Variants in ERBB4 observed in about 807,000 individuals in gnomAD.
ERBB4 encodes the protein receptor tyrosine-protein kinase erbB-4.
In ERBB4, 42 loss-of-function variants were observed where a neutral mutation model predicts 158.0. The ratio of observed to expected loss-of-function variants is 0.27; its 90% CI spans 0.21 to 0.34. ERBB4 has a LOEUF of 0.34. Among genes scored for constraint, ERBB4 ranks in the 10% least tolerant of loss-of-function variants. The pLI is 1.00. For synonymous variants in ERBB4, 583 were observed against 558.7 expected (o/e 1.04, Z -0.61); for missense variants, 1,333 against 1,624.1 (o/e 0.82, Z 3.08).
chr2:211,943,928 T>C (rs1215528526), intron 3 of ERBB4, among the ~76,000 whole-genome samples: 3 of 151,606 alleles, frequency 2.0e-5, no homozygotes, highest in Non-Finnish European at 2.9e-5. Context: ...AGCTAGTGTA[T>C]AATGACAGTC....
chr2:212,469,755 C>T (rs1443765137), intron 1 of ERBB4, among the ~76,000 whole-genome samples: 2 of 152,042 alleles, frequency 1.3e-5, no homozygotes, highest in Non-Finnish European at 2.9e-5. Flanking sequence ...TTTTTCAATG[C>T]CTTCCAAAAT....
At position 211,387,985 on chromosome 2, in the gene ERBB4, A is replaced by G. The variant is rs1222680082; in HGVS notation, c.3143T>C (p.Ile1048Thr). Reference protein sequence around the residue: ...RARIDSNRSEIGHSPPPAYTP... With the variant: ...RARIDSNRSETGHSPPPAYTP... ...GTAGGCAGGAGGAGGGCTGTGTCCA[A>G]TTTCACTCTAATAGGAAAGAAAAAT... The change falls in exon 26 of 28, where the codon ATT becomes ACT. Residue 1048 changes from isoleucine to threonine, a missense_variant. Ile to Thr is a moderately conservative substitution (Grantham distance 89, BLOSUM62 -1). This residue lies in a region of ERBB4 where 252 missense variants were observed against 241.3 expected (regional missense o/e 1.04). Coordinates refer to ENST00000342788, the MANE Select transcript of ERBB4 (RefSeq NM_005235.3). 5 of 1,601,916 alleles carry G rather than the reference A, an allele frequency of 3.1e-6. No homozygotes were observed. The East Asian group carries it at 6.7e-5, about 21-fold the overall frequency.
chr2:212,450,792 C>G (rs1046319539), intron 1 of ERBB4, among the ~76,000 whole-genome samples: 1 of 138,290 alleles, frequency 7.2e-6, no homozygotes, highest in African/African-American at 2.7e-5. Flanking sequence ...GACTCCATTA[C>G]AGATTTAATG....
chr2:211,831,760 A>C (rs531230717), intron 3 of ERBB4, among the ~76,000 whole-genome samples: 79 of 152,112 alleles, frequency 5.2e-4, no homozygotes, highest in African/African-American at 1.9e-3. Flanking sequence ...AAAATTAGCC[A>C]GGCGTGGCAG....
intron 4 of ERBB4, among the ~76,000 whole-genome samples, chr2:211,773,633 T>TATATAAA (rs1553630512): frequency 9.7e-6 from 1 of 102,852 alleles, no homozygotes. Flanking sequence ...TATATATATA[T>TATATAAA]ATATATATAT....
intron 2 of ERBB4, among the ~76,000 whole-genome samples, chr2:212,002,521 G>C (rs969085115): frequency 6.6e-6 from 1 of 152,042 alleles, no homozygotes; most frequent in African/African-American, 2.4e-5. Flanking sequence ...GTAAAGCATA[G>C]CAAAAATAAA....
intron 20 of ERBB4, among the ~76,000 whole-genome samples, chr2:211,519,494 T>C (rs76168336): frequency 0.098 from 14,845 of 152,064 alleles, 1,021 homozygotes; most frequent in African/African-American, 0.2. Context: ...GCTACTGCAG[T>C]GCAGATCCAG....
chr2:211,641,939 TTTTTTG>T (rs1321894771), intron 16 of ERBB4, among the ~76,000 whole-genome samples: 11 of 152,080 alleles, frequency 7.2e-5, no homozygotes, highest in South Asian at 2.1e-4. Context: ...TCTAATTTTT[TTTTTTG>T]TTTTATCACT....
At chr2:211,462,519 C>T (rs569855726) in intron 20 of ERBB4, among the ~76,000 whole-genome samples, 2 of 152,154 alleles carry the variant, frequency 1.3e-5, no homozygotes, top group Admixed American at 1.3e-4. Context: ...AATAGCAACT[C>T]GCAGAAAGAC....
intron 1 of ERBB4, among the ~76,000 whole-genome samples, chr2:212,208,640 T>C (rs192919373): frequency 3.6e-4 from 55 of 152,220 alleles, no homozygotes; most frequent in Middle Eastern, 3.4e-3. Flanking sequence ...AATAGGTGGT[T>C]AGAGGCAGTG....
chr2:212,254,995 C>G (rs529046729), intron 1 of ERBB4, among the ~76,000 whole-genome samples: 1 of 152,150 alleles, frequency 6.6e-6, no homozygotes, highest in East Asian at 1.9e-4. Context: ...CATTATTTCA[C>G]GGGTATAGTG....
rs2074809313 is a variant in ERBB4, at chr2:211,741,802, T to C, written c.622+8837A>G. Among the ~76,000 whole-genome samples the C allele has an allele frequency of 6.6e-5, 10 of 152,188 alleles. No individual in the cohort carries two copies. The South Asian group carries it at 2.1e-3, about 31-fold the overall frequency. ...ATATATACATCTCCTGTAGTTAAAATGAAACAACTTGTTCTTTTAAATCTT... is the reference window on the plus strand; with the variant it reads ...ATATATACATCTCCTGTAGTTAAAACGAAACAACTTGTTCTTTTAAATCTT... On this transcript the variant is annotated intron_variant, in intron 5 of 27. Coordinates refer to ENST00000342788, the MANE Select transcript of ERBB4 (RefSeq NM_005235.3).
At chr2:212,005,556 A>T (rs1235592401) in intron 2 of ERBB4, among the ~76,000 whole-genome samples, 1 of 152,172 alleles carries the variant, frequency 6.6e-6, no homozygotes, top group Non-Finnish European at 1.5e-5. Flanking sequence ...CAAAGTATAA[A>T]TTCGTCAGAT....
At chr2:212,340,122 A>G (rs1256787144) in intron 1 of ERBB4, among the ~76,000 whole-genome samples, 1 of 151,714 alleles carries the variant, frequency 6.6e-6, no homozygotes, top group African/African-American at 2.4e-5. Context: ...TGAATCTTCA[A>G]CCTCACAGGC....
At chr2:211,687,036 C>T (rs2072584855) in intron 12 of ERBB4, among the ~76,000 whole-genome samples, 1 of 152,042 alleles carries the variant, frequency 6.6e-6, no homozygotes, top group Non-Finnish European at 1.5e-5. Context: ...TGGCTCATGC[C>T]TGTAATCCCA....
Position 211,735,747 on chromosome 2 carries a change from C to A in ERBB4, c.623-10553G>T, listed in dbSNP as rs139540983. Among the ~76,000 whole-genome samples the A allele has an allele frequency of 1.4e-3, 213 of 152,026 alleles. 3 individuals carry two copies. In the East Asian group the frequency reaches 0.037, roughly 26 times the overall value. ...GAAGTCTATACCTCAGAAAAAGAGA[C>A]CTTTTGAGGAAACCATTTAAAAGAG... On this transcript the variant is annotated intron_variant, in intron 5 of 27. Coordinates refer to ENST00000342788, the MANE Select transcript of ERBB4 (RefSeq NM_005235.3).
intron 19 of ERBB4, among the ~76,000 whole-genome samples, chr2:211,615,780 T>G (rs1553593921): frequency 6.6e-6 from 1 of 152,136 alleles, no homozygotes; most frequent in Non-Finnish European, 1.5e-5. Flanking sequence ...TTTGTGTTAT[T>G]TATTATAATA....
chr2:212,461,844 A>G (rs987070092), intron 1 of ERBB4, among the ~76,000 whole-genome samples: 3 of 152,128 alleles, frequency 2.0e-5, no homozygotes, highest in African/African-American at 7.2e-5. Context: ...CATGATCGTG[A>G]ATAAGTCTCA....
intron 25 of ERBB4, among the ~76,000 whole-genome samples, chr2:211,398,210 G>T (rs13014117): frequency 0.58 from 87,320 of 151,766 alleles, 25,416 homozygotes; most frequent in South Asian, 0.74. Context: ...ACTCCTTATA[G>T]CTAAGCATCC....
Sources: allele counts gnomAD v4.1 joint callset (sites outside exome capture counted in the v4.1 genomes callset), GRCh38; gene constraint gnomAD v4.1.1; regional missense constraint gnomAD v4.1.1; transcripts MANE v1.5; gene names NCBI Gene and HGNC (gene_info 2026-07-23, HGNC 2026-07-21).